AXIN1: variants seen among roughly 807,000 people sequenced by gnomAD.
AXIN1 encodes the protein axin 1.
A neutral mutation model predicts 76.4 loss-of-function variants in AXIN1; 30 were observed. The observed-to-expected ratio is 0.39, with a 90% CI of 0.29 to 0.53. The LOEUF (loss-of-function observed/expected upper bound fraction) is 0.53, where lower values mean the gene tolerates loss of function less well. Among genes scored for constraint, AXIN1 ranks in the 20% least tolerant of loss-of-function variants. The pLI, the probability that AXIN1 is intolerant of heterozygous loss-of-function variation, is 0.66. For synonymous variants in AXIN1, 545 were observed against 501.4 expected (o/e 1.09, Z -1.16); for missense variants, 1,140 against 1,198.8 (o/e 0.95, Z 0.72).
intron 4 of AXIN1, among the ~76,000 whole-genome samples, chr16:308,514 G>A (rs1362518990): frequency 5.9e-5 from 9 of 152,230 alleles, no homozygotes; most frequent in African/African-American, 1.9e-4. Context: ...CTCAAGCCCC[G>A]TCCTCATGGG....
intron 7 of AXIN1, among the ~76,000 whole-genome samples, chr16:296,016 A>T (rs767253013): frequency 6.6e-6 from 1 of 152,238 alleles, no homozygotes; most frequent in Admixed American, 6.5e-5. Context: ...CTGTAGTCCC[A>T]GCATTTTGGG....
intron 2 of AXIN1, among the ~76,000 whole-genome samples, chr16:336,709 C>T (rs751667406): frequency 5.3e-5 from 8 of 149,894 alleles, no homozygotes; most frequent in Non-Finnish European, 1.0e-4. Flanking sequence ...CCCAGCTACT[C>T]AGGAAGCTGA....
intron 2 of AXIN1, among the ~76,000 whole-genome samples, chr16:315,565 T>C (rs2141597541): frequency 6.6e-6 from 1 of 152,318 alleles, no homozygotes; most frequent in East Asian, 1.9e-4. Flanking sequence ...CGGTGGCTCA[T>C]GCCTTTAATC....
chr16:349,023 G>A (rs976672435), intron 1 of AXIN1, among the ~76,000 whole-genome samples: 3 of 151,900 alleles, frequency 2.0e-5, no homozygotes, highest in Admixed American at 6.6e-5. Flanking sequence ...GCATGAACCC[G>A]GGAGGCAGAG....
intron 5 of AXIN1, 142 bp downstream of exon 5, chr16:304,162 C>T (rs2052951261): frequency 7.1e-7 from 1 of 1,402,504 alleles, no homozygotes; most frequent in African/African-American, 1.4e-5. Context: ...GAAAGGGGAA[C>T]AGGGGACTCA....
intron 2 of AXIN1, among the ~76,000 whole-genome samples, chr16:323,479 T>TA (rs199976096): frequency 1.9e-3 from 244 of 129,372 alleles, no homozygotes; most frequent in African/African-American, 6.2e-3. Flanking sequence ...AAAATAAGAT[T>TA]AAAAAAAACA....
chr16:297,879 T>G lies in AXIN1; in HGVS notation c.1627A>C (p.Thr543Pro), dbSNP rs2052758308. 1 of 1,589,420 alleles carries G rather than the reference T, an allele frequency of 6.3e-7. No homozygotes were observed. ...RHVHHHVHHS[T>P]ARPKEQVEAE... ...TCCACCTGCTCCTTGGGCCGGGCTG[T>G]GCTGTGGTGGACGTGGTGGTGGACG... is the stretch of plus-strand genomic sequence containing the variant. Residue 543 changes from threonine (T) to proline (P), a missense_variant, in exon 6 of 11, where the codon ACA becomes CCA. Thr to Pro is a conservative substitution (Grantham distance 38). Around this residue, in one of 3 missense-constraint regions of AXIN1, gnomAD observed 708 missense variants for 776.9 expected, o/e 0.91. Transcript: ENST00000262320.
At chr16:316,992 G>A (rs553689304) in intron 2 of AXIN1, among the ~76,000 whole-genome samples, 90 of 152,318 alleles carry the variant, frequency 5.9e-4, no homozygotes, top group Admixed American at 1.2e-3. Flanking sequence ...ACAATGGGCC[G>A]CCCTCCACGT....
At chr16:295,272 T>C (rs984220120) in intron 7 of AXIN1, among the ~76,000 whole-genome samples, 6 of 151,552 alleles carry the variant, frequency 4.0e-5, no homozygotes, top group African/African-American at 1.5e-4. Flanking sequence ...ACACGGCTAA[T>C]TTTTTGTATT....
At chr16:321,342 G>A (rs1409903490) in intron 2 of AXIN1, among the ~76,000 whole-genome samples, 1 of 147,298 alleles carries the variant, frequency 6.8e-6, no homozygotes, top group Non-Finnish European at 1.5e-5. Flanking sequence ...AACCACTATG[G>A]GGAAACAGCA....
chr16:342,327 G>A (rs987729979), intron 2 of AXIN1, among the ~76,000 whole-genome samples: 5 of 152,150 alleles, frequency 3.3e-5, no homozygotes, highest in Admixed American at 1.3e-4. Flanking sequence ...TAACACTCAC[G>A]GCAAGGGTCC....
At chr16:313,203 G>T (rs180693977) in intron 3 of AXIN1, among the ~76,000 whole-genome samples, 1 of 152,170 alleles carries the variant, frequency 6.6e-6, no homozygotes, top group Non-Finnish European at 1.5e-5. Context: ...AACTCTGAAG[G>T]CTGAGGCAGA....
rs764583817 is a variant in AXIN1 at position 297,955 on chromosome 16, T to C, written c.1551A>G (p.Val517=). 3.7e-6 allele frequency: 6 copies of C among 1,603,212 alleles called. No individual in the cohort carries two copies. In the African/African-American group the frequency reaches 5.3e-5, roughly 14 times the overall value. Residue 517 remains valine (V), a synonymous_variant, in exon 6 of 11, where the codon GTA becomes GTG. Transcript: ENST00000262320. ...GGAASGHGKH[V]PKSGAKLDAA... is the part of the protein sequence containing the mutation. Reference sequence around the variant, plus strand: ...CGTCCAGCTTCGCCCCTGACTTGGGTACGTGCTTCCCGTGCCCCGAGGCGG... The same window carrying C: ...CGTCCAGCTTCGCCCCTGACTTGGGCACGTGCTTCCCGTGCCCCGAGGCGG...
intron 2 of AXIN1, among the ~76,000 whole-genome samples, chr16:322,294 G>C (rs1346659364): frequency 6.6e-6 from 1 of 152,224 alleles, no homozygotes; most frequent in Non-Finnish European, 1.5e-5. Flanking sequence ...CCAGGCTCCA[G>C]GGATGGCCCT....
chr16:309,195 T>C (rs1001453392), intron 4 of AXIN1, among the ~76,000 whole-genome samples: 2 of 151,600 alleles, frequency 1.3e-5, no homozygotes, highest in Non-Finnish European at 2.9e-5. Flanking sequence ...CCGGGCGTGG[T>C]GGCAGGCGCC....
chr16:345,948 A>C (rs1050338075), intron 2 of AXIN1, among the ~76,000 whole-genome samples, 200 bp downstream of exon 2: 1 of 152,242 alleles, frequency 6.6e-6, no homozygotes, highest in African/African-American at 2.4e-5. Context: ...TTCTCAGTAA[A>C]AGTGTTCTCA....
chr16:332,271 A>G (rs189486735), intron 2 of AXIN1, among the ~76,000 whole-genome samples: 72 of 152,350 alleles, frequency 4.7e-4, no homozygotes, highest in Non-Finnish European at 8.7e-4. Context: ...TAACTTTTAG[A>G]AACAGGATAT....
intron 2 of AXIN1, among the ~76,000 whole-genome samples, chr16:324,266 G>A (rs567374664): frequency 6.6e-6 from 1 of 152,364 alleles, no homozygotes; most frequent in Non-Finnish European, 1.5e-5. Flanking sequence ...GGACGCCGAT[G>A]CCATGGCATG....
chr16:320,297 C>T (rs781724456), intron 2 of AXIN1, among the ~76,000 whole-genome samples: 8 of 152,160 alleles, frequency 5.3e-5, no homozygotes, highest in South Asian at 2.1e-4. Context: ...CTGCCCACCT[C>T]GGTGTCCGAA....
Sources: gnomAD v4.1 joint callset for allele counts (sites outside exome capture counted in the v4.1 genomes callset) on GRCh38, gnomAD v4.1.1 for gene constraint, gnomAD v4.1.1 regional missense constraint, MANE v1.5 for transcripts, NCBI Gene and HGNC (gene_info 2026-07-23, HGNC 2026-07-21) for gene names.